The following VIRMA variants were observed in gnomAD, a reference collection of about 807,000 sequenced individuals.
VIRMA encodes the protein protein virilizer homolog.
A neutral mutation model predicts 182.4 loss-of-function variants in VIRMA; 65 were observed. The ratio of observed to expected loss-of-function variants is 0.36; its 90% CI spans 0.29 to 0.44. The LOEUF (loss-of-function observed/expected upper bound fraction) is 0.44. Among genes scored for constraint, VIRMA ranks in the 20% least tolerant of loss-of-function variants. The probability of loss-of-function intolerance (pLI) is 1.00; values close to 1 mark genes in which losing one functional copy is unlikely to be tolerated. For synonymous variants in VIRMA, 709 were observed against 743.1 expected, an observed-to-expected ratio of 0.95 and a Z score of 0.75; for missense variants, 1,752 against 2,158.1, an observed-to-expected ratio of 0.81 and a Z score of 3.73.
At chr8:94,534,738 TAAAAC>T (rs1815278136) in intron 5 of VIRMA, 96 bp downstream of exon 5, 2 of 1,341,476 alleles carry the variant, frequency 1.5e-6, no homozygotes, top group Admixed American at 2.2e-5. Context: ...TCTCAAGAAA[TAAAAC>T]AAAAACAAAA....
chr8:94,516,617 A>G (rs987568605), intron 10 of VIRMA, among the ~76,000 whole-genome samples: 1 of 152,224 alleles, frequency 6.6e-6, no homozygotes. Context: ...TTAAAATTAA[A>G]TCTTTCTTAT....
intron 2 of VIRMA, 31 bp from the exon 3 acceptor site, chr8:94,538,377 C>T (rs879184638): frequency 2.2e-6 from 3 of 1,356,296 alleles, no homozygotes; most frequent in South Asian, 2.4e-5. Flanking sequence ...AAACATCAGC[C>T]TTTGTAACAA....
At chr8:94,494,757 A>G (rs778292059) in intron 20 of VIRMA, 103 bp downstream of exon 20, 5 of 699,576 alleles carry the variant, frequency 7.1e-6, no homozygotes, top group Non-Finnish European at 1.2e-5. Flanking sequence ...TTCCAAGTAG[A>G]CTTTAACAGC....
In VIRMA at chr8:94,509,775, TA is replaced by T; in HGVS notation, c.3791del (p.Leu1264Ter). 1 of 1,614,074 alleles carries T rather than the reference TA, an allele frequency of 6.2e-7. No individual in the cohort carries two copies. Among genetic ancestry groups the T allele is most frequent in the Non-Finnish European group, 8.5e-7 (1 of 1,179,954 alleles). On this transcript the variant is annotated frameshift_variant, in exon 15 of 24. Transcript: ENST00000297591. LOFTEE classifies it high-confidence loss of function. Reference protein sequence around the residue: ...ERYAEIFQDLLALVRSPGDSV... With the variant: ...ERYAEIFQDLXALVRSPGDSV... ...TGTCTCCAGGAGACCGCACCAAAGCTAAAAGATCCTGGAATATCTCTGCATA... is the reference window on the plus strand; with the variant it reads ...TGTCTCCAGGAGACCGCACCAAAGCTAAAGATCCTGGAATATCTCTGCATA...
At position 94,538,343 on chromosome 8, in the gene VIRMA, C is replaced by A. The variant is rs376319745; in HGVS notation, c.183G>T (p.Glu61Asp). The change falls in exon 3 of 24, where the codon GAG becomes GAT. Residue 61 changes from glutamate (E) to aspartate (D), a missense_variant. Physicochemically the swap from Glu to Asp is conservative, Grantham distance 45. Coordinates refer to ENST00000297591, the MANE Select transcript of VIRMA (RefSeq NM_015496.5). Reference protein sequence around the residue: ...SSLPDNRAYGETSPHTFQLDL... With the variant: ...SSLPDNRAYGDTSPHTFQLDL... Reference sequence around the variant, plus strand: ...CTAATTGAAATGTATGGGGAGATGTCTCTCTGTAAATGAAACAAAGTTGAA... The same window carrying A: ...CTAATTGAAATGTATGGGGAGATGTATCTCTGTAAATGAAACAAAGTTGAA... The A allele has an allele frequency of 6.2e-7, 1 of 1,601,040 alleles. No homozygotes were observed. Among genetic ancestry groups the A allele is most frequent in the Admixed American group, 1.7e-5 (1 of 59,784 alleles).
intron 1 of VIRMA, among the ~76,000 whole-genome samples, chr8:94,546,610 A>G (rs1815775573): frequency 6.6e-6 from 1 of 151,068 alleles, no homozygotes; most frequent in African/African-American, 2.5e-5. Context: ...GTGGTTGTTT[A>G]CATGGATAAG....
rs1813514193 is a variant in VIRMA, at chr8:94,488,535, G to T, written c.*171C>A. The T allele has an allele frequency of 1.8e-6, 1 of 541,890 alleles. No homozygotes were observed. Among genetic ancestry groups the T allele is most frequent in the Admixed American group, 3.2e-5 (1 of 30,898 alleles). The allele number at this position is 541,890 out of a possible 1,614,324, so 33.6% of individuals were successfully genotyped here. A position where few individuals can be genotyped will look rare whatever the true frequency, so the allele number is the denominator to read the frequency against. On this transcript the variant is annotated 3_prime_UTR_variant, in exon 24 of 24. Coordinates refer to ENST00000297591, the MANE Select transcript of VIRMA (RefSeq NM_015496.5). ...TATACAAACGTACATACAAAGTTTGGATTTTTATTGAAATCTTGTTAGGTA... is the reference window on the plus strand; with the variant it reads ...TATACAAACGTACATACAAAGTTTGTATTTTTATTGAAATCTTGTTAGGTA...
chr8:94,528,490 TA>T (rs11368036), intron 7 of VIRMA, among the ~76,000 whole-genome samples: 321 of 152,342 alleles, frequency 2.1e-3, no homozygotes, highest in African/African-American at 7.1e-3. Context: ...GCTTTAACAT[TA>T]AATGCCATTT....
intron 4 of VIRMA, 45 bp downstream of exon 4, chr8:94,537,058 A>G: frequency 4.8e-6 from 6 of 1,261,382 alleles, no homozygotes; most frequent in Non-Finnish European, 7.0e-6. Context: ...AATGGAGTTG[A>G]GAGCAAATAG....
chr8:94,525,962 T>C (rs879315837), intron 8 of VIRMA, among the ~76,000 whole-genome samples: 9 of 152,372 alleles, frequency 5.9e-5, no homozygotes, highest in East Asian at 1.9e-4. Flanking sequence ...TTCTTGCTCA[T>C]AGACATGCTT....
chr8:94,537,763 T>A (rs1815390726), intron 3 of VIRMA, among the ~76,000 whole-genome samples: 1 of 151,878 alleles, frequency 6.6e-6, no homozygotes, highest in Non-Finnish European at 1.5e-5. Flanking sequence ...TTTGCAGACA[T>A]CACAACAACA....
At chr8:94,533,017 G>A (rs537460155) in intron 5 of VIRMA, among the ~76,000 whole-genome samples, 1 of 152,004 alleles carries the variant, frequency 6.6e-6, no homozygotes, top group African/African-American at 2.4e-5. Context: ...AAAAACACAT[G>A]TATATATATG....
chr8:94,533,923 C>G (rs568447510), intron 5 of VIRMA: 1 of 151,962 alleles, frequency 6.6e-6, no homozygotes, highest in East Asian at 1.9e-4. Context: ...CATAGGGTCT[C>G]GCCATGTTGG....
In VIRMA at chr8:94,534,901, G is replaced by C; in HGVS notation, c.422C>G (p.Pro141Arg). ...GGGAGGTGGTGGCGGTGGAGGTGGTGGTGGTGGAGAGTCTCTGTCATGACT... is the reference window on the plus strand; with the variant it reads ...GGGAGGTGGTGGCGGTGGAGGTGGTCGTGGTGGAGAGTCTCTGTCATGACT... ...VISHDRDSPP[P>R]PPPPPPPPQP... is the part of the protein sequence containing the mutation. The change falls in exon 5 of 24, where the codon CCA (proline) becomes CGA (arginine). Residue 141 changes from proline to arginine, a missense_variant. Pro to Arg is a moderately radical substitution (Grantham distance 103). Around this residue, in one of 11 missense-constraint regions of VIRMA, gnomAD observed 195 missense variants for 191.7 expected, o/e 1.02. Coordinates refer to ENST00000297591, the MANE Select transcript of VIRMA (RefSeq NM_015496.5). The C allele has an allele frequency of 1.2e-6, 2 of 1,613,528 alleles. No individual in the cohort carries two copies. Among genetic ancestry groups the C allele is most frequent in the Non-Finnish European group, 1.7e-6 (2 of 1,179,738 alleles).
chr8:94,513,365 C>A (rs1814442711), intron 11 of VIRMA, among the ~76,000 whole-genome samples: 1 of 150,000 alleles, frequency 6.7e-6, no homozygotes, highest in Admixed American at 6.7e-5. Flanking sequence ...ACAAAAAAAC[C>A]TTGGAAGAAA....
At chr8:94,517,535 T>C (rs1353255573) in intron 10 of VIRMA, among the ~76,000 whole-genome samples, 1 of 152,172 alleles carries the variant, frequency 6.6e-6, no homozygotes, top group African/African-American at 2.4e-5. Context: ...CCATTTTGAT[T>C]AGAAATTTCA....
At chr8:94,500,231 C>G (rs1813924304) in intron 16 of VIRMA, among the ~76,000 whole-genome samples, 1 of 151,810 alleles carries the variant, frequency 6.6e-6, no homozygotes, top group South Asian at 2.1e-4. Context: ...AATCCCGTCT[C>G]TACTAAAAAT....
chr8:94,526,230 G>A lies in VIRMA; in HGVS notation c.2014C>T (p.Leu672Phe). The part of the protein sequence containing the change: ...PPERDDPYPV[L>F]FRYLHSHHFL... ...AAGGCAAACATGTCTTACCTAAAGA[G>A]AACAGGGTATGGATCATCCCTCTCT... Residue 672 changes from leucine (L) to phenylalanine (F), a missense_variant, in exon 8 of 24, where the codon CTC (leucine) becomes TTC (phenylalanine). Physicochemically the swap from Leu to Phe is conservative, Grantham distance 22 (BLOSUM62 0). This residue lies in a region of VIRMA where 401 missense variants were observed against 455.1 expected (regional missense o/e 0.88). Coordinates refer to ENST00000297591, the MANE Select transcript of VIRMA (RefSeq NM_015496.5). 1.3e-6 allele frequency: 2 copies of A among 1,594,768 alleles called. No homozygotes were observed. Among genetic ancestry groups the A allele is most frequent in the South Asian group, 2.3e-5 (2 of 87,522 alleles).
chr8:94,510,059 C>T, intron 14 of VIRMA, 119 bp from the exon 15 acceptor site: 1 of 895,248 alleles, frequency 1.1e-6, no homozygotes, highest in East Asian at 2.6e-5. Context: ...CATTTAATTC[C>T]TTGGGTATAA....
Sources: gnomAD v4.1 joint callset for allele counts (sites outside exome capture counted in the v4.1 genomes callset) on GRCh38, gnomAD v4.1.1 for gene constraint, gnomAD v4.1.1 regional missense constraint, MANE v1.5 for transcripts, NCBI Gene and HGNC (gene_info 2026-07-23, HGNC 2026-07-21) for gene names.